MESD: variants seen among roughly 807,000 people sequenced by gnomAD.
MESD encodes mesoderm development LRP chaperone.
A neutral mutation model predicts 12.9 loss-of-function variants in MESD; 7 were observed. The ratio of observed to expected loss-of-function variants is 0.54; its 90% CI spans 0.31 to 1.02. The LOEUF is 1.02. Ranked by LOEUF, MESD falls within the 50% of genes least tolerant of loss-of-function variation. The probability of loss-of-function intolerance (pLI) is 0.05; values close to 1 mark genes in which losing one functional copy is unlikely to be tolerated. For missense variants in MESD, 342 were observed against 296.7 expected (o/e 1.15, Z -1.12); for synonymous variants, 126 against 115.6 (o/e 1.09, Z -0.58).
At chr15:80,981,176 A>C (rs1416788925) in intron 2 of MESD, among the ~76,000 whole-genome samples, 1 of 151,578 alleles carries the variant, frequency 6.6e-6, no homozygotes, top group Admixed American at 6.6e-5. Flanking sequence ...AGTGGCTCAC[A>C]CCTGTAATCC....
chr15:80,955,100 C>A (rs1901940127), intron 3 of MESD, among the ~76,000 whole-genome samples: 3 of 151,222 alleles, frequency 2.0e-5, no homozygotes, highest in African/African-American at 7.3e-5. Context: ...AATTCAAAAC[C>A]AGCCTGGGCA....
At position 80,979,258 on chromosome 15, in the gene MESD, C is replaced by T. The variant is rs764715650; in HGVS notation, c.666G>A (p.Lys222=). 3.1e-6 allele frequency: 5 copies of T among 1,613,828 alleles called. No homozygotes were observed. Among genetic ancestry groups the T allele is most frequent in the Non-Finnish European group, 4.2e-6 (5 of 1,180,032 alleles). ...KEGDLKSRSS[K]EENRAGNKRE... Reference sequence around the variant, plus strand: ...TTTTATTCCCAGCTCGATTTTCTTCCTTGGAAGACCGAGATTTCAGATCTC... The same window carrying T: ...TTTTATTCCCAGCTCGATTTTCTTCTTTGGAAGACCGAGATTTCAGATCTC... The change falls in exon 3 of 3, where the codon AAG becomes AAA. Residue 222 remains lysine (K), a synonymous_variant. Transcript: ENST00000261758.
rs576177212 is a variant in MESD at position 80,952,430 on chromosome 15, A to C, written c.*289-134T>G. The C allele has an allele frequency of 1.7e-5, 5 of 288,192 alleles. No individual in the cohort carries two copies. The East Asian group carries it at 4.7e-4, about 27-fold the overall frequency. 17.9% of individuals were successfully genotyped at this position (288,192 alleles called of 1,614,324 possible). ...AAATTAATTTAAATTAAATGCAATT[A>C]AAAATGCAGTTCCTCAATCACATTG... is the stretch of plus-strand genomic sequence containing the variant. On this transcript the variant is annotated intron_variant, in intron 3 of 4. Transcript: ENST00000561312.
intron 3 of MESD, among the ~76,000 whole-genome samples, chr15:80,954,879 T>C (rs1009028957): frequency 6.6e-6 from 1 of 152,210 alleles, no homozygotes; most frequent in Non-Finnish European, 1.5e-5. Flanking sequence ...CGTTAAGTGT[T>C]AGTGTATTTT....
intron 3 of MESD, among the ~76,000 whole-genome samples, chr15:80,958,804 T>C (rs1343425623): frequency 1.3e-5 from 2 of 152,188 alleles, no homozygotes; most frequent in Non-Finnish European, 2.9e-5. Flanking sequence ...TTCAAGGTCC[T>C]TGATGTGTCA....
In MESD at chr15:80,979,295, T is replaced by G. The variant is rs183241539; in HGVS notation, c.629A>C (p.Lys210Thr). The change falls in exon 3 of 3, where the codon AAA (lysine) becomes ACA (threonine). Residue 210 changes from lysine to threonine, a missense_variant. Lys to Thr is a moderately conservative substitution (Grantham distance 78). Transcript: ENST00000261758. ...KNKTKQDKGKKKKEGDLKSRS... is the reference protein window; with the variant it reads ...KNKTKQDKGKTKKEGDLKSRS... ...AGATTTCAGATCTCCTTCCTTCTTTTTTTTGCCCTTGTCTTGCTTTGTTTT... is the reference window on the plus strand; with the variant it reads ...AGATTTCAGATCTCCTTCCTTCTTTGTTTTGCCCTTGTCTTGCTTTGTTTT... 3.0e-5 allele frequency: 48 copies of G among 1,614,124 alleles called. No individual in the cohort carries two copies. In the East Asian group the frequency reaches 6.0e-4, roughly 20 times the overall value.
intron 2 of MESD, among the ~76,000 whole-genome samples, chr15:80,981,140 T>G (rs754612185): frequency 1.3e-5 from 2 of 151,102 alleles, no homozygotes; most frequent in Non-Finnish European, 3.0e-5. Context: ...TTCTTTACAT[T>G]AAAAAAATCT....
chr15:80,980,687 G>A (rs944774992), intron 2 of MESD, among the ~76,000 whole-genome samples: 1 of 152,130 alleles, frequency 6.6e-6, no homozygotes, highest in Admixed American at 6.6e-5. Context: ...AGTAATCCTA[G>A]CACTTTGGGA....
In MESD at chr15:80,978,515, CCCT is replaced by C. The variant is rs2089288444; in HGVS notation, c.*701_*703del. The C allele has an allele frequency of 6.6e-6, 1 of 152,166 alleles. No homozygotes were observed. The highest frequency in any genetic ancestry group is 2.4e-5 in the African/African-American group (1 of 41,398). 9.4% of individuals were successfully genotyped at this position (152,166 alleles called of 1,614,324 possible). ...TGTCACATTAAATGGAACATATAAC[CCCT>C]CGACACCAGCAGTACTCTTTCCTAA... On this transcript the variant is annotated 3_prime_UTR_variant, in exon 3 of 3. Transcript: ENST00000261758.
chr15:80,988,166 T>A (rs1336968730), intron 1 of MESD, among the ~76,000 whole-genome samples: 6 of 152,248 alleles, frequency 3.9e-5, no homozygotes, highest in Non-Finnish European at 8.8e-5. Context: ...GCGAAAGAAT[T>A]TGAAACTCAG....
In MESD at chr15:80,976,395, C is replaced by G. The variant is rs554153066; in HGVS notation, c.*2824G>C. ...AACTAGGATTGCTTGAAGGCTGGGG[C>G]TGGAAATGTTTAAATCTTATCCACA... On this transcript the variant is annotated 3_prime_UTR_variant, in exon 3 of 3. Coordinates refer to ENST00000261758, the MANE Select transcript of MESD (RefSeq NM_015154.3). 1 of 152,430 alleles carries G rather than the reference C, an allele frequency of 6.6e-6. No homozygotes were observed. Among genetic ancestry groups the G allele is most frequent in the African/African-American group, 2.4e-5 (1 of 41,582 alleles). The allele number at this position is 152,430 out of a possible 1,614,324, so 9.4% of individuals were successfully genotyped here.
downstream of MESD, among the ~76,000 whole-genome samples, chr15:80,974,280 G>A (rs180823162): frequency 2.6e-5 from 4 of 152,260 alleles, no homozygotes; most frequent in South Asian, 2.1e-4. Flanking sequence ...AAGAGCCAGC[G>A]AGAATTCACC....
rs182298727 is a variant in MESD, at chr15:80,959,603, G to C, written c.*289-7307C>G. ...AAACATGCCAAACAGCCAATAAATG[G>C]ACACCTGCCATAACGGAGAACACTT... On this transcript the variant is annotated intron_variant, in intron 3 of 4. Transcript: ENST00000561312. 1.4e-3 allele frequency among the ~76,000 whole-genome samples: 209 copies of C among 152,266 alleles called. 1 individual carries two copies. The highest frequency in any genetic ancestry group is 4.6e-3 in the African/African-American group (192 of 41,552).
In MESD at chr15:80,976,610, A is replaced by G. The variant is rs577750209; in HGVS notation, c.*2609T>C. 70 of 152,264 alleles carry G rather than the reference A, an allele frequency of 4.6e-4. No homozygotes were observed. The highest frequency in any genetic ancestry group is 1.6e-3 in the African/African-American group (66 of 41,554). The allele number at this position is 152,264 out of a possible 1,614,324, so 9.4% of individuals were successfully genotyped here. A position where few individuals can be genotyped will look rare whatever the true frequency, so the allele number is the denominator to read the frequency against. ...TGATGCCCAAGGCTGGCAAGGATAG[A>G]TCTATTGTTGGCAAGGGTAAGCTGA... On this transcript the variant is annotated 3_prime_UTR_variant, in exon 3 of 3. Coordinates refer to ENST00000261758, the MANE Select transcript of MESD (RefSeq NM_015154.3).
At chr15:80,966,999 G>A (rs1240575638) in intron 3 of MESD, among the ~76,000 whole-genome samples, 1 of 152,156 alleles carries the variant, frequency 6.6e-6, no homozygotes, top group Non-Finnish European at 1.5e-5. Flanking sequence ...AAAACTAGAA[G>A]TAGAAGCCCT....
At chr15:80,968,397 C>A (rs1028993282) in intron 3 of MESD, among the ~76,000 whole-genome samples, 6 of 152,356 alleles carry the variant, frequency 3.9e-5, no homozygotes, top group African/African-American at 1.4e-4. Context: ...ACAGCCCAGG[C>A]AGGATGTTAT....
chr15:80,979,596 A>T, intron 2 of MESD, 119 bp from the exon 3 acceptor site: 1 of 1,288,758 alleles, frequency 7.8e-7, no homozygotes, highest in Non-Finnish European at 1.0e-6. Context: ...GGAATGAAAA[A>T]TTGGATTTTC....
intron 2 of MESD, among the ~76,000 whole-genome samples, chr15:80,980,360 A>G (rs1902543373): frequency 6.6e-6 from 1 of 152,238 alleles, no homozygotes; most frequent in African/African-American, 2.4e-5. Context: ...AGGAAAAAGA[A>G]GCAGATTTCT....
intron 3 of MESD, among the ~76,000 whole-genome samples, chr15:80,955,274 A>G (rs1290258919): frequency 2.0e-5 from 3 of 151,144 alleles, no homozygotes; most frequent in South Asian, 2.1e-4. Context: ...TCACGAGGTC[A>G]GGAGATCGAG....
Sources: gnomAD v4.1 joint callset for allele counts (sites outside exome capture counted in the v4.1 genomes callset) on GRCh38, gnomAD v4.1.1 for gene constraint, MANE v1.5 for transcripts, NCBI Gene and HGNC (gene_info 2026-07-23, HGNC 2026-07-21) for gene names.